Variants in TMPRSS9 observed in about 807,000 individuals in gnomAD.
TMPRSS9 encodes transmembrane protease serine 9.
A neutral mutation model predicts 111.4 loss-of-function variants in TMPRSS9; 113 were observed. That is an observed-to-expected ratio of 1.01 (90% confidence interval 0.87 to 1.19). The LOEUF (loss-of-function observed/expected upper bound fraction) is 1.19. TMPRSS9 is among the 50% of genes most tolerant of loss of function. TMPRSS9 has a pLI of 0.00. For synonymous variants in TMPRSS9, 805 were observed against 659.1 expected, an observed-to-expected ratio of 1.22 and a Z score of -3.39; for missense variants, 1,803 against 1,513.1, an observed-to-expected ratio of 1.19 and a Z score of -3.18.
intron 1 of TMPRSS9, among the ~76,000 whole-genome samples, chr19:2,361,719 C>T (rs778239525): frequency 1.1e-4 from 16 of 152,150 alleles, no homozygotes; most frequent in Non-Finnish European, 2.4e-4. Context: ...GACTTCCTTC[C>T]GTCATTTTAT....
At chr19:2,403,849 C>T (rs955513320) in intron 6 of TMPRSS9, among the ~76,000 whole-genome samples, 8 of 151,934 alleles carry the variant, frequency 5.3e-5, no homozygotes, top group South Asian at 2.1e-4. Context: ...AAAAATTAGC[C>T]GGGCGTGGTG....
intron 15 of TMPRSS9, 126 bp downstream of exon 16, chr19:2,424,383 C>A (rs1971546381): frequency 3.7e-6 from 4 of 1,069,160 alleles, no homozygotes; most frequent in Non-Finnish European, 4.8e-6. Context: ...CCGGCTCCCA[C>A]TGCCCCAGGC....
chr19:2,412,687 A>G (rs913113437), intron 9 of TMPRSS9, among the ~76,000 whole-genome samples: 4 of 152,064 alleles, frequency 2.6e-5, no homozygotes, highest in African/African-American at 7.2e-5. Context: ...GTGAGTCTTC[A>G]TGGTTTCTGG....
intron 12 of TMPRSS9, among the ~76,000 whole-genome samples, chr19:2,417,481 A>T (rs1315004176): frequency 6.6e-6 from 1 of 150,382 alleles, no homozygotes; most frequent in African/African-American, 2.4e-5. Context: ...AAAAAAAAAA[A>T]AATAGAAAAA....
chr19:2,363,843 AGAGTGG>A (rs1970226607), intron 1 of TMPRSS9, among the ~76,000 whole-genome samples: 2 of 85,298 alleles, frequency 2.3e-5, no homozygotes, highest in South Asian at 4.5e-4. Context: ...AGAGAGAGTG[AGAGTGG>A]GAGGGAGGGA....
At chr19:2,425,149 G>C (rs1234333475) in exon 16 of TMPRSS9, 1 of 1,575,768 alleles carries the variant, frequency 6.3e-7, no homozygotes, top group Non-Finnish European at 8.6e-7. Flanking sequence ...TGCTGGAGCT[G>C]GCGGGGCCGG....
intron 9 of TMPRSS9, 40 bp from the exon 11 acceptor site, chr19:2,413,660 T>C: frequency 6.4e-7 from 1 of 1,567,636 alleles, no homozygotes; most frequent in East Asian, 2.3e-5. Context: ...CTGGACTGGC[T>C]GCTGCCGACC....
intron 1 of TMPRSS9, among the ~76,000 whole-genome samples, chr19:2,390,742 A>G (rs1406722728): frequency 6.6e-6 from 1 of 151,762 alleles, no homozygotes; most frequent in Non-Finnish European, 1.5e-5. Context: ...AGTCCCAGCT[A>G]CTCAGGAGGC....
intron 1 of TMPRSS9, among the ~76,000 whole-genome samples, chr19:2,393,836 T>G (rs377461936): frequency 7.0e-5 from 10 of 141,862 alleles, no homozygotes; most frequent in African/African-American, 2.7e-4. Flanking sequence ...AAGTGGAGGT[T>G]GCAGTGAGCC....
At chr19:2,425,222 G>A (rs759564153) in exon 16 of TMPRSS9, 11 of 1,461,834 alleles carry the variant, frequency 7.5e-6, no homozygotes, top group African/African-American at 1.5e-5. Context: ...ACCCCCGGAC[G>A]GCACGCGCTG....
At chr19:2,374,325 C>A (rs1431307799) in intron 1 of TMPRSS9, among the ~76,000 whole-genome samples, 1 of 137,122 alleles carries the variant, frequency 7.3e-6, no homozygotes, top group African/African-American at 2.7e-5. Context: ...GTAATCCCCG[C>A]ACTTTGGGAG....
At chr19:2,423,430 G>A (rs1205891287) in intron 14 of TMPRSS9, among the ~76,000 whole-genome samples, 1 of 145,764 alleles carries the variant, frequency 6.9e-6, no homozygotes, top group Non-Finnish European at 1.5e-5. Flanking sequence ...TACTGGCCTT[G>A]GTAGCTGCTG....
intron 1 of TMPRSS9, among the ~76,000 whole-genome samples, chr19:2,395,006 C>T (rs974951939): frequency 1.3e-5 from 2 of 152,230 alleles, no homozygotes; most frequent in Non-Finnish European, 2.9e-5. Flanking sequence ...TTCTGCCTGG[C>T]GTGGTGGCTC....
At chr19:2,379,677 C>CTTTCTTTCTTTCTTTCTTTCTT (rs1240073481) in intron 1 of TMPRSS9, among the ~76,000 whole-genome samples, 3 of 131,754 alleles carry the variant, frequency 2.3e-5, no homozygotes, top group African/African-American at 8.9e-5. Context: ...TTCTTTCTTT[C>CTTTCTTTCTTTCTTTCTTTCTT]TCTTTTTCTT....
intron 4 of TMPRSS9, among the ~76,000 whole-genome samples, chr19:2,401,010 T>C (rs12978220): frequency 0.41 from 59,228 of 146,168 alleles, 13,714 homozygotes; most frequent in Admixed American, 0.56. Context: ...CGCGGTGGCT[T>C]ACGCCTGTAA....
chr19:2,362,026 G>A (rs1047689105), intron 1 of TMPRSS9, among the ~76,000 whole-genome samples: 1 of 152,002 alleles, frequency 6.6e-6, no homozygotes. Context: ...GTGATGTGTG[G>A]TTGTGTGTGG....
At chr19:2,368,895 C>T (rs1012628951) in intron 1 of TMPRSS9, among the ~76,000 whole-genome samples, 15 of 149,740 alleles carry the variant, frequency 1.0e-4, no homozygotes, top group Admixed American at 8.1e-4. Flanking sequence ...AGCAATTCTC[C>T]TGCCTCAGCC....
chr19:2,394,412 A>G (rs76208961), intron 1 of TMPRSS9, among the ~76,000 whole-genome samples: 4 of 152,212 alleles, frequency 2.6e-5, no homozygotes, highest in African/African-American at 7.2e-5. Flanking sequence ...AAAAATAAAA[A>G]TGAGAATTCA....
intron 11 of TMPRSS9, chr19:2,416,172 G>A (rs1971226286): frequency 1.7e-5 from 7 of 415,376 alleles, no homozygotes; most frequent in South Asian, 1.5e-4. Context: ...CCAGGAGGTC[G>A]AGGCTGCAGT....
Sources: allele counts gnomAD v4.1 joint callset (sites outside exome capture counted in the v4.1 genomes callset), GRCh38; gene constraint gnomAD v4.1.1; transcripts MANE v1.5; gene names NCBI Gene and HGNC (gene_info 2026-07-23, HGNC 2026-07-21).